Variants in PODNL1 observed in about 807,000 individuals in gnomAD.
PODNL1 encodes podocan like 1.
A neutral mutation model predicts 45.1 loss-of-function variants in PODNL1; 50 were observed. That is an observed-to-expected ratio of 1.11 (90% CI 0.88 to 1.40). The LOEUF is 1.40. Among genes scored for constraint, PODNL1 ranks in the 40% most tolerant of loss-of-function variants. PODNL1 has a pLI of 0.00. For synonymous variants in PODNL1, 406 were observed against 372.5 expected (o/e 1.09, Z -1.04); for missense variants, 788 against 793.3 (o/e 0.99, Z 0.08).
At chr19:13,936,338 A>G in intron 3 of PODNL1, 29 bp downstream of exon 3, 1 of 1,580,730 alleles carries the variant, frequency 6.3e-7, no homozygotes, top group Non-Finnish European at 8.7e-7. Context: ...CTACAGCCCC[A>G]GAGAGGCCGC....
chr19:13,952,223 GAGAC>G (rs1973074964), intron 1 of PODNL1, among the ~76,000 whole-genome samples: 1 of 152,272 alleles, frequency 6.6e-6, no homozygotes, highest in Non-Finnish European at 1.5e-5. Flanking sequence ...TGACGCCGTT[GAGAC>G]AGACAGAGAT....
intron 1 of PODNL1, 51 bp downstream of exon 1, chr19:13,938,128 G>A: frequency 6.4e-7 from 1 of 1,552,084 alleles, no homozygotes; most frequent in Non-Finnish European, 8.7e-7. Context: ...CAGAGCAGGG[G>A]TGGGGGGGCA....
At chr19:13,946,058 A>G (rs1972805808) in intron 1 of PODNL1, among the ~76,000 whole-genome samples, 1 of 152,082 alleles carries the variant, frequency 6.6e-6, no homozygotes, top group African/African-American at 2.4e-5. Context: ...AAGAAAGGAA[A>G]TGGTGGATAC....
intron 6 of PODNL1, 63 bp from the exon 7 acceptor site, chr19:13,934,056 G>C: frequency 6.8e-7 from 1 of 1,464,114 alleles, no homozygotes; most frequent in Non-Finnish European, 9.4e-7. Flanking sequence ...AGCCACAGAC[G>C]GCTCTTGAGT....
chr19:13,937,719 C>T (rs1972464980), intron 2 of PODNL1, 66 bp downstream of exon 2: 2 of 1,452,692 alleles, frequency 1.4e-6, no homozygotes, highest in Admixed American at 4.1e-5. Context: ...TCTGGGGCAC[C>T]CCTCCAGCTC....
upstream of PODNL1, among the ~76,000 whole-genome samples, chr19:13,943,358 G>A (rs1471540147): frequency 6.6e-6 from 1 of 152,110 alleles, no homozygotes; most frequent in Admixed American, 6.6e-5. Flanking sequence ...GGCTGGAAGT[G>A]GTTCCAGGCA....
intron 1 of PODNL1, chr19:13,952,732 A>T: frequency 1.9e-4 from 16 of 85,024 alleles, no homozygotes; most frequent in Middle Eastern, 3.8e-3. Context: ...TCGCGGGGTG[A>T]GGGGTTGGGG....
At chr19:13,951,856 A>G in intron 1 of PODNL1, among the ~76,000 whole-genome samples, 1 of 152,226 alleles carries the variant, frequency 6.6e-6, no homozygotes, top group East Asian at 1.9e-4. Context: ...TATGATCTGC[A>G]TAATTGGCAC....
upstream of PODNL1, among the ~76,000 whole-genome samples, chr19:13,940,256 G>A (rs775606016): frequency 2.0e-5 from 3 of 151,790 alleles, no homozygotes; most frequent in Admixed American, 6.6e-5. Flanking sequence ...TGAGACCCCC[G>A]TCTCTAAAAA....
chr19:13,936,097 G>A (rs562525707), intron 3 of PODNL1, 53 bp from the exon 4 acceptor site: 3 of 1,452,172 alleles, frequency 2.1e-6, no homozygotes, highest in East Asian at 2.5e-5. Flanking sequence ...TGGGTGGAGG[G>A]GGAGTCTGGG....
Position 13,938,022 on chromosome 19 carries a change from G to T in PODNL1, c.4-16C>A, listed in dbSNP as rs777786361. The T allele has an allele frequency of 2.8e-5, 42 of 1,495,644 alleles. 1 individual carries two copies. In the Admixed American group the frequency reaches 8.5e-4, roughly 30 times the overall value. The allele number at this position is 1,495,644 out of a possible 1,614,324, so 92.6% of individuals were successfully genotyped here. On this transcript the variant is annotated splice_polypyrimidine_tract_variant and intron_variant, in intron 1 of 9. Transcript: ENST00000588872. ...GGCTCGGCCACTGCGGGGGAGGGAG[G>T]GTCAGCGTGTCTCCAGGCTGGGCGC...
chr19:13,931,743 G>T lies in PODNL1; in HGVS notation c.1719C>A (p.Gly573=). The change falls in exon 10 of 10, where the codon GGC becomes GGA. Residue 573 remains glycine (G), a synonymous_variant. Transcript: ENST00000588872. The part of the protein sequence containing the change: ...PTTPRGPRAG[G]P Reference sequence around the variant, plus strand: ...CTGCTGGGCCTCTCTAGGATCAGGGGCCCCCTGCCCGTGGCCCACGTGGGG... The same window carrying T: ...CTGCTGGGCCTCTCTAGGATCAGGGTCCCCCTGCCCGTGGCCCACGTGGGG... The T allele has an allele frequency of 8.1e-7, 1 of 1,231,890 alleles. No individual in the cohort carries two copies. The highest frequency in any genetic ancestry group is 4.1e-5 in the South Asian group (1 of 24,320). The allele number at this position is 1,231,890 out of a possible 1,614,324, so 76.3% of individuals were successfully genotyped here.
rs539015228 is a variant in PODNL1, at chr19:13,952,250, G to A, written c.18+869C>T. On this transcript the variant is annotated intron_variant, in intron 1 of 7. Transcript: ENST00000538371. ...GACAGACAGAGATATTCACCTATCA[G>A]ATCAAAGTTATCTGGGCAGGGCGAA... Among the ~76,000 whole-genome samples the A allele has an allele frequency of 9.2e-5, 14 of 152,378 alleles. No homozygotes were observed. In the East Asian group the frequency reaches 2.7e-3, roughly 29 times the overall value.
chr19:13,937,962 G>T lies in PODNL1; in HGVS notation c.48C>A (p.Pro16=). 1 of 1,541,948 alleles carries T rather than the reference G, an allele frequency of 6.5e-7. No individual in the cohort carries two copies. The highest frequency in any genetic ancestry group is 1.2e-5 in the South Asian group (1 of 83,882). The change falls in exon 2 of 10, where the codon CCC becomes CCA. Residue 16 remains proline, a synonymous_variant. Transcript: ENST00000588872. ...AGGCAGCGTCTTCCAAGCCGGCGAC[G>T]GGCGGGGGCCCCGGCAACAGCAGGA... is the stretch of plus-strand genomic sequence containing the variant. The part of the protein sequence containing the change: ...LLLLLLPGPP[P]VAGLEDAAFP...
In PODNL1 at chr19:13,933,401, C is replaced by T. The variant is rs146550820; in HGVS notation, c.822G>A (p.Val274=). Residue 274 remains valine, a synonymous_variant, in exon 8 of 10, where the codon GTG becomes GTA. Transcript: ENST00000588872. The surrounding 1 kb of genome is among the most constrained non-coding windows in gnomAD (Gnocchi z 5.2). ...LDLSHNQLTT[V]PAGLPRTLAI... is the part of the protein sequence containing the mutation. ...CCAGGGTCCGGGGCAGGCCGGCGGG[C>T]ACTGTGGTCAGCTGGTTGTGGGAGA... The T allele has an allele frequency of 3.2e-3, 5,129 of 1,601,452 alleles. 9 individuals are homozygous for T. The highest frequency in any genetic ancestry group is 3.8e-3 in the Non-Finnish European group (4,506 of 1,176,024).
At chr19:13,946,347 T>C (rs929818689) in intron 1 of PODNL1, among the ~76,000 whole-genome samples, 2 of 151,850 alleles carry the variant, frequency 1.3e-5, no homozygotes, top group African/African-American at 4.8e-5. Flanking sequence ...GGAGAATTGC[T>C]TGAACCTGGG....
At chr19:13,945,659 G>T (rs1972792416) in intron 1 of PODNL1, among the ~76,000 whole-genome samples, 1 of 151,796 alleles carries the variant, frequency 6.6e-6, no homozygotes, top group Non-Finnish European at 1.5e-5. Flanking sequence ...GCTAATTTTT[G>T]TATTTTTAGT....
At chr19:13,934,463 C>T (rs980185323) in intron 5 of PODNL1, 53 bp from the exon 6 acceptor site, 2 of 1,446,196 alleles carry the variant, frequency 1.4e-6, no homozygotes, top group Admixed American at 2.9e-5. Flanking sequence ...CCTACCACCC[C>T]ACTCCCGCAC....
chr19:13,952,975 C>T (rs566034063), intron 1 of PODNL1: 2 of 1,034,428 alleles, frequency 1.9e-6, no homozygotes, highest in East Asian at 2.9e-5. Flanking sequence ...CCAGGCTTTT[C>T]AAAGCTCTGC....
Sources: allele counts gnomAD v4.1 joint callset (sites outside exome capture counted in the v4.1 genomes callset), GRCh38; gene constraint gnomAD v4.1.1; non-coding constraint Gnocchi (gnomAD v3.1); transcripts MANE v1.5; gene names NCBI Gene and HGNC (gene_info 2026-07-23, HGNC 2026-07-21).